Variants in CNTN4 observed in about 807,000 individuals in gnomAD.
The protein encoded by CNTN4 is contactin-4.
CNTN4 carries 77 observed loss-of-function variants against 122.5 expected under a neutral mutation model. The observed-to-expected ratio is 0.63, with a 90% CI of 0.52 to 0.76. The LOEUF (loss-of-function observed/expected upper bound fraction) is 0.76. Ranked by LOEUF, CNTN4 falls within the 30% of genes least tolerant of loss-of-function variation. The pLI is 0.00. For synonymous variants in CNTN4, 512 were observed against 447.0 expected (o/e 1.15, Z -1.83); for missense variants, 1,256 against 1,259.1 (o/e 1.00, Z 0.04).
At chr3:2,659,990 T>C (rs1354303807) in intron 4 of CNTN4, among the ~76,000 whole-genome samples, 2 of 152,206 alleles carry the variant, frequency 1.3e-5, no homozygotes, top group African/African-American at 4.8e-5. Flanking sequence ...TGTTTGTCTT[T>C]TATTGGCTTT....
intron 3 of CNTN4, among the ~76,000 whole-genome samples, chr3:2,433,486 GT>G (rs141775000): frequency 3.3e-5 from 5 of 151,840 alleles, no homozygotes; most frequent in African/African-American, 1.2e-4. Context: ...TTATTTGTGG[GT>G]TTTTTTGCTG....
chr3:2,936,734 A>G (rs1336786966), intron 13 of CNTN4, among the ~76,000 whole-genome samples: 1 of 152,008 alleles, frequency 6.6e-6, no homozygotes, highest in East Asian at 1.9e-4. Context: ...GCCACATCCA[A>G]CCCTCCACCT....
At chr3:2,690,139 C>G (rs549005508) in intron 4 of CNTN4, among the ~76,000 whole-genome samples, 18 of 152,226 alleles carry the variant, frequency 1.2e-4, no homozygotes, top group African/African-American at 4.1e-4. Context: ...AATAGGTTTT[C>G]CAAAGTAAAT....
intron 2 of CNTN4, among the ~76,000 whole-genome samples, chr3:2,310,396 C>T (rs925286494): frequency 6.6e-6 from 1 of 152,142 alleles, no homozygotes; most frequent in African/African-American, 2.4e-5. Context: ...GTACAGCATG[C>T]ACAAGGGAGA....
At chr3:2,995,961 T>C (rs963641889) in intron 14 of CNTN4, among the ~76,000 whole-genome samples, 3 of 152,092 alleles carry the variant, frequency 2.0e-5, no homozygotes, top group African/African-American at 4.8e-5. Flanking sequence ...GAAAAGAAAA[T>C]ACAAGGAAAT....
At chr3:2,121,067 ACTTC>A (rs1489234620) in intron 2 of CNTN4, among the ~76,000 whole-genome samples, 1 of 148,432 alleles carries the variant, frequency 6.7e-6, no homozygotes, top group African/African-American at 2.4e-5. Flanking sequence ...AATTTTAATG[ACTTC>A]CTTCCTCCCT....
At chr3:2,298,067 G>A (rs988123468) in intron 2 of CNTN4, among the ~76,000 whole-genome samples, 1 of 152,164 alleles carries the variant, frequency 6.6e-6, no homozygotes, top group Admixed American at 6.5e-5. Context: ...TTAGCAGCTG[G>A]AAGAGTGCTT....
At chr3:2,670,402 C>T (rs574359856) in intron 4 of CNTN4, among the ~76,000 whole-genome samples, 1 of 152,242 alleles carries the variant, frequency 6.6e-6, no homozygotes, top group African/African-American at 2.4e-5. Flanking sequence ...TTATCAGAGA[C>T]TAGGATTGCA....
rs1369371411 is a variant in CNTN4, at chr3:3,056,364, CATT to C, written c.*147_*149del. On this transcript the variant is annotated 3_prime_UTR_variant, in exon 25 of 25. Transcript: ENST00000418658. The stretch of plus-strand genomic sequence containing the variant: ...ATGTTTTTTGCTTCTTTAGGAATGG[CATT>C]ATACAGTACTTCCTCAAAGCAAATC... 8.9e-6 allele frequency: 6 copies of C among 673,178 alleles called. No individual in the cohort carries two copies. Among genetic ancestry groups the C allele is most frequent in the Non-Finnish European group, 1.6e-5 (6 of 376,218 alleles). The allele number at this position is 673,178 out of a possible 1,614,324, so 41.7% of individuals were successfully genotyped here.
At chr3:2,317,384 A>G (rs1385206717) in intron 2 of CNTN4, among the ~76,000 whole-genome samples, 1 of 152,208 alleles carries the variant, frequency 6.6e-6, no homozygotes, top group Non-Finnish European at 1.5e-5. Flanking sequence ...GGATTCATCA[A>G]AATAATAACC....
chr3:2,751,620 G>A (rs1331402709), intron 6 of CNTN4, among the ~76,000 whole-genome samples: 2 of 152,094 alleles, frequency 1.3e-5, no homozygotes, highest in Non-Finnish European at 2.9e-5. Flanking sequence ...CTTAACGAAG[G>A]GGATGTTTCC....
intron 2 of CNTN4, among the ~76,000 whole-genome samples, chr3:2,143,720 A>G (rs929225312): frequency 6.6e-6 from 1 of 152,230 alleles, no homozygotes; most frequent in Admixed American, 6.5e-5. Flanking sequence ...AGATGAAGAA[A>G]TTGAGTTTAG....
chr3:2,412,347 G>T (rs569976808), intron 3 of CNTN4, among the ~76,000 whole-genome samples: 9 of 152,016 alleles, frequency 5.9e-5, no homozygotes, highest in Non-Finnish European at 8.8e-5. Context: ...CTCCTCCCGG[G>T]TTCAAGTGAT....
chr3:2,636,626 A>T (rs978556724), intron 4 of CNTN4, among the ~76,000 whole-genome samples: 5 of 152,178 alleles, frequency 3.3e-5, no homozygotes, highest in Admixed American at 6.5e-5. Flanking sequence ...TTATAACTGT[A>T]TCCCCACTCC....
intron 2 of CNTN4, among the ~76,000 whole-genome samples, chr3:2,166,738 A>G (rs1331038638): frequency 6.6e-6 from 1 of 152,144 alleles, no homozygotes; most frequent in Non-Finnish European, 1.5e-5. Context: ...GTAAATGCCT[A>G]GCCTTGTTCC....
At chr3:2,902,618 C>T (rs1028533550) in intron 11 of CNTN4, among the ~76,000 whole-genome samples, 8 of 152,150 alleles carry the variant, frequency 5.3e-5, no homozygotes, top group Admixed American at 2.0e-4. Flanking sequence ...ATCTGAATGG[C>T]TCCACTATTA....
At chr3:2,528,323 T>G (rs894545464) in intron 3 of CNTN4, among the ~76,000 whole-genome samples, 1 of 152,212 alleles carries the variant, frequency 6.6e-6, no homozygotes, top group Non-Finnish European at 1.5e-5. Context: ...TGGAATTGGA[T>G]TTTGATTGTG....
intron 2 of CNTN4, among the ~76,000 whole-genome samples, chr3:2,334,107 C>T (rs2043844087): frequency 6.6e-6 from 1 of 152,128 alleles, no homozygotes; most frequent in Non-Finnish European, 1.5e-5. Flanking sequence ...TTAATAATAA[C>T]AAGTATCATT....
chr3:2,743,929 G>A (rs1014230384), intron 5 of CNTN4, among the ~76,000 whole-genome samples: 3 of 152,104 alleles, frequency 2.0e-5, no homozygotes, highest in Non-Finnish European at 4.4e-5. Flanking sequence ...TCCCACCTCA[G>A]CCTCCTGAGT....
Sources: gnomAD v4.1 joint callset for allele counts (sites outside exome capture counted in the v4.1 genomes callset) on GRCh38, gnomAD v4.1.1 for gene constraint, MANE v1.5 for transcripts, NCBI Gene and HGNC (gene_info 2026-07-23, HGNC 2026-07-21) for gene names.